The following DPCD variants were observed in gnomAD, a reference collection of about 807,000 sequenced individuals.
DPCD encodes deleted in primary ciliary dyskinesia homolog (mouse).
Under a neutral mutation model 26.4 loss-of-function variants are expected in DPCD, and 20 were observed. The ratio of observed to expected loss-of-function variants is 0.76; its 90% confidence interval spans 0.53 to 1.10. The LOEUF (loss-of-function observed/expected upper bound fraction) is 1.10. DPCD is among the 50% of genes least tolerant of loss of function. The pLI, the probability that DPCD is intolerant of heterozygous loss-of-function variation, is 0.00. For synonymous variants in DPCD, 97 were observed against 94.2 expected, an observed-to-expected ratio of 1.03 and a Z score of -0.17; for missense variants, 202 against 253.9, an observed-to-expected ratio of 0.80 and a Z score of 1.39.
intron 1 of DPCD, among the ~76,000 whole-genome samples, chr10:101,591,144 T>A: frequency 6.6e-6 from 1 of 152,336 alleles, no homozygotes; most frequent in Non-Finnish European, 1.5e-5. Context: ...GTAGCATGTG[T>A]CAAAATTTTG....
At chr10:101,598,611 CTTTTTTTTTTTTTTTT>C (rs71016333) in intron 2 of DPCD, among the ~76,000 whole-genome samples, 8 of 74,952 alleles carry the variant, frequency 1.1e-4, no homozygotes, top group Admixed American at 7.2e-4. Flanking sequence ...TAGATGCTTT[CTTTTTTTTTTTTTTTT>C]TTTTTTTTTT....
chr10:101,591,620 C>T (rs1036980071), intron 1 of DPCD, among the ~76,000 whole-genome samples: 2 of 151,874 alleles, frequency 1.3e-5, no homozygotes, highest in Non-Finnish European at 2.9e-5. Context: ...GAAATAATTA[C>T]ATTCATTGTG....
At chr10:101,593,687 C>G (rs2063629543) in intron 1 of DPCD, among the ~76,000 whole-genome samples, 1 of 152,126 alleles carries the variant, frequency 6.6e-6, no homozygotes, top group African/African-American at 2.4e-5. Context: ...CTCCCGGGTT[C>G]AAGCAATTCT....
At chr10:101,605,169 C>T in intron 4 of DPCD, 3 of 1,550,530 alleles carry the variant, frequency 1.9e-6, no homozygotes, top group Admixed American at 2.0e-5. Context: ...CTCTGGACCC[C>T]TCTGGCCATG....
chr10:101,590,863 T>C (rs932248391), intron 1 of DPCD, among the ~76,000 whole-genome samples: 1 of 152,212 alleles, frequency 6.6e-6, no homozygotes, highest in Non-Finnish European at 1.5e-5. Flanking sequence ...CTCGTCTAAG[T>C]GGAATCATAC....
chr10:101,605,828 T>C (rs918953098), intron 4 of DPCD, among the ~76,000 whole-genome samples: 1 of 152,100 alleles, frequency 6.6e-6, no homozygotes, highest in Non-Finnish European at 1.5e-5. Context: ...GTCAGGAGAT[T>C]TGGGGAATTC....
chr10:101,601,506 C>A (rs1461224657), intron 4 of DPCD, 170 bp downstream of exon 4: 1 of 166,074 alleles, frequency 6.0e-6, no homozygotes, highest in Non-Finnish European at 1.3e-5. Flanking sequence ...ATAATGTAAT[C>A]AGCTCCATCG....
At chr10:101,605,020 G>A (rs2063723624) in intron 4 of DPCD, 30 of 1,409,520 alleles carry the variant, frequency 2.1e-5, no homozygotes, top group Middle Eastern at 1.8e-4. Context: ...TGGTGGGGCC[G>A]AGAGCCTTTA....
At chr10:101,606,006 C>CT (rs1298678816) in intron 4 of DPCD, among the ~76,000 whole-genome samples, 1 of 152,180 alleles carries the variant, frequency 6.6e-6, no homozygotes, top group Non-Finnish European at 1.5e-5. Flanking sequence ...AGAATAAGCT[C>CT]TTAAAATGTC....
intron 2 of DPCD, 34 bp downstream of exon 2, chr10:101,594,772 A>T: frequency 6.3e-7 from 1 of 1,597,100 alleles, no homozygotes; most frequent in Non-Finnish European, 8.6e-7. Context: ...GGCCTTTAGT[A>T]ATACTTGGGG....
chr10:101,600,668 G>T lies in DPCD; in HGVS notation c.146-70G>T. On this transcript the variant is annotated intron_variant, in intron 2 of 5. Coordinates refer to ENST00000370151, the MANE Select transcript of DPCD (RefSeq NM_015448.3). The surrounding 1 kb of genome is among the most constrained non-coding windows in gnomAD (Gnocchi z 4.7). ...GTGGTGCCGGTGATTCAGCAGAAAA[G>T]AGCAGAGACCCTCTCTTCACTCTCA... The T allele has an allele frequency of 6.4e-7, 1 of 1,557,486 alleles. No homozygotes were observed. Among genetic ancestry groups the T allele is most frequent in the Non-Finnish European group, 8.7e-7 (1 of 1,153,866 alleles).
At chr10:101,594,510 G>C in intron 1 of DPCD, 148 bp from the exon 2 acceptor site, 1 of 690,570 alleles carries the variant, frequency 1.4e-6, no homozygotes, top group Non-Finnish European at 2.6e-6. Flanking sequence ...GTAATGGTGG[G>C]TGGTGGTTGG....
At chr10:101,597,701 C>T (rs979171874) in intron 2 of DPCD, among the ~76,000 whole-genome samples, 4 of 152,214 alleles carry the variant, frequency 2.6e-5, no homozygotes, top group African/African-American at 9.6e-5. Flanking sequence ...CGGGAAGCTG[C>T]CTCACACCAG....
At chr10:101,595,935 A>G (rs1044212790) in intron 2 of DPCD, among the ~76,000 whole-genome samples, 1 of 152,204 alleles carries the variant, frequency 6.6e-6, no homozygotes, top group African/African-American at 2.4e-5. Flanking sequence ...TGGACTAGCC[A>G]CCACCATAAC....
chr10:101,588,500 T>C, intron 1 of DPCD, 100 bp downstream of exon 1: 1 of 1,511,118 alleles, frequency 6.6e-7, no homozygotes. Context: ...TGGAAGGGTC[T>C]CGGCGGTCAG....
intron 2 of DPCD, among the ~76,000 whole-genome samples, chr10:101,594,948 C>T (rs2063640034): frequency 6.6e-6 from 1 of 152,146 alleles, no homozygotes; most frequent in Admixed American, 6.5e-5. Context: ...AATTCATCCC[C>T]ACCCCTCACC....
chr10:101,589,111 G>A (rs1272514374), intron 1 of DPCD, among the ~76,000 whole-genome samples: 2 of 152,220 alleles, frequency 1.3e-5, no homozygotes, highest in African/African-American at 4.8e-5. Flanking sequence ...GATGAATTGC[G>A]TCTGAAGTTC....
At chr10:101,608,252 C>T (rs923714638) in intron 4 of DPCD, among the ~76,000 whole-genome samples, 6 of 152,164 alleles carry the variant, frequency 3.9e-5, no homozygotes, top group South Asian at 4.1e-4. Context: ...TAACATGGTT[C>T]GTCCTCTCAA....
At chr10:101,594,592 C>A (rs887186307) in intron 1 of DPCD, 66 bp from the exon 2 acceptor site, 1 of 1,541,024 alleles carries the variant, frequency 6.5e-7, no homozygotes, top group Non-Finnish European at 9.0e-7. Flanking sequence ...CAGGTAGGCC[C>A]CTTGATCTGC....
Sources: gnomAD v4.1 joint callset for allele counts (sites outside exome capture counted in the v4.1 genomes callset) on GRCh38, gnomAD v4.1.1 for gene constraint, Gnocchi (gnomAD v3.1) non-coding constraint, MANE v1.5 for transcripts, NCBI Gene and HGNC (gene_info 2026-07-23, HGNC 2026-07-21) for gene names.